Variants in ZNF438 observed in about 807,000 individuals in gnomAD.
ZNF438 encodes zinc finger protein 438.
Under a neutral mutation model 38.0 loss-of-function variants are expected in ZNF438, and 25 were observed. The ratio of observed to expected loss-of-function variants is 0.66; its 90% CI spans 0.48 to 0.92. The LOEUF is 0.92. Among genes scored for constraint, ZNF438 ranks in the 40% least tolerant of loss-of-function variants. The probability of loss-of-function intolerance (pLI) is 0.00; values close to 1 mark genes in which losing one functional copy is unlikely to be tolerated. For synonymous variants in ZNF438, 372 were observed against 364.1 expected (o/e 1.02, Z -0.25); for missense variants, 1,007 against 999.6 (o/e 1.01, Z -0.10).
intron 1 of ZNF438, among the ~76,000 whole-genome samples, chr10:31,028,463 C>A (rs2057079761): frequency 6.6e-6 from 1 of 152,206 alleles, no homozygotes; most frequent in Non-Finnish European, 1.5e-5. Flanking sequence ...GTAAAATATG[C>A]ATGATTTTGA....
intron 2 of ZNF438, among the ~76,000 whole-genome samples, chr10:30,925,661 T>A (rs2044828356): frequency 6.6e-6 from 1 of 152,192 alleles, no homozygotes; most frequent in Non-Finnish European, 1.5e-5. Flanking sequence ...TTGTGAGTAG[T>A]TCTCCCCAAT....
chr10:30,947,699 C>T (rs796844848), intron 1 of ZNF438, among the ~76,000 whole-genome samples: 10 of 152,360 alleles, frequency 6.6e-5, no homozygotes, highest in African/African-American at 1.7e-4. Flanking sequence ...TAGGACCCTC[C>T]GAGCCAGGTG....
chr10:30,998,188 T>G (rs2054247326), intron 1 of ZNF438, among the ~76,000 whole-genome samples: 1 of 152,084 alleles, frequency 6.6e-6, no homozygotes. Flanking sequence ...AAAATGAAAC[T>G]CATATAGATC....
chr10:30,961,345 C>T (rs1256337393), intron 1 of ZNF438, among the ~76,000 whole-genome samples: 1 of 145,360 alleles, frequency 6.9e-6, no homozygotes, highest in Admixed American at 6.9e-5. Context: ...AGAACAGCGG[C>T]TATTCACAGG....
intron 1 of ZNF438, among the ~76,000 whole-genome samples, chr10:30,981,826 C>T (rs1021023868): frequency 1.3e-5 from 2 of 150,166 alleles, no homozygotes; most frequent in East Asian, 2.0e-4. Context: ...TGCAGCAAGC[C>T]GAGATTGTGC....
At chr10:30,968,174 A>G (rs114027993) in intron 1 of ZNF438, among the ~76,000 whole-genome samples, 13 of 152,280 alleles carry the variant, frequency 8.5e-5, no homozygotes, top group African/African-American at 2.9e-4. Context: ...CACTTGAAGG[A>G]TCAGGCAGCG....
intron 3 of ZNF438, among the ~76,000 whole-genome samples, chr10:30,887,645 C>T (rs937044747): frequency 3.3e-5 from 5 of 152,216 alleles, no homozygotes; most frequent in Non-Finnish European, 5.9e-5. Flanking sequence ...ATCTCGGCCT[C>T]CCAAAGTGCT....
chr10:31,008,610 T>C (rs971222865), intron 1 of ZNF438, among the ~76,000 whole-genome samples: 5 of 152,224 alleles, frequency 3.3e-5, no homozygotes, highest in African/African-American at 1.2e-4. Flanking sequence ...ACTTTATTCC[T>C]TTATGCTTTT....
At chr10:30,889,190 T>C (rs1175902907) in intron 3 of ZNF438, among the ~76,000 whole-genome samples, 1 of 152,210 alleles carries the variant, frequency 6.6e-6, no homozygotes, top group Non-Finnish European at 1.5e-5. Context: ...ATCTGTCCCA[T>C]TTCAGAAACA....
At chr10:30,953,725 G>C (rs922701609) in intron 1 of ZNF438, among the ~76,000 whole-genome samples, 1 of 151,696 alleles carries the variant, frequency 6.6e-6, no homozygotes, top group African/African-American at 2.4e-5. Context: ...GCAGAAGCTG[G>C]AAGTGACTTA....
chr10:30,923,713 A>G (rs1271850056), intron 2 of ZNF438, among the ~76,000 whole-genome samples: 1 of 152,176 alleles, frequency 6.6e-6, no homozygotes, highest in African/African-American at 2.4e-5. Flanking sequence ...CTTAACTACT[A>G]TGGTTTTATA....
At chr10:30,956,931 T>C (rs767089566) in intron 1 of ZNF438, among the ~76,000 whole-genome samples, 7 of 152,350 alleles carry the variant, frequency 4.6e-5, no homozygotes, top group Non-Finnish European at 8.8e-5. Context: ...TTAGATCATA[T>C]GGTAGTTCTG....
intron 1 of ZNF438, among the ~76,000 whole-genome samples, chr10:30,974,144 G>C (rs1589514101): frequency 6.6e-6 from 1 of 152,180 alleles, no homozygotes; most frequent in African/African-American, 2.4e-5. Context: ...TGGGAATCTA[G>C]ATAAATAGTT....
chr10:30,875,906 T>A (rs1033509172), intron 4 of ZNF438, among the ~76,000 whole-genome samples: 1 of 152,224 alleles, frequency 6.6e-6, no homozygotes, highest in Non-Finnish European at 1.5e-5. Flanking sequence ...ATAATAGCCA[T>A]TGAGAATGGT....
chr10:30,935,504 G>A (rs978880368), intron 2 of ZNF438, among the ~76,000 whole-genome samples: 5 of 152,172 alleles, frequency 3.3e-5, no homozygotes, highest in African/African-American at 1.2e-4. Context: ...AACGAACAGA[G>A]CAAGGAGGGT....
intron 2 of ZNF438, among the ~76,000 whole-genome samples, chr10:30,930,453 G>C (rs964339471): frequency 6.6e-6 from 1 of 152,040 alleles, no homozygotes; most frequent in East Asian, 1.9e-4. Flanking sequence ...AGAGGGAGCC[G>C]GCTCTGGCCT....
Position 30,916,433 on chromosome 10 carries a change from A to G in ZNF438, c.-114-7418T>C, listed in dbSNP as rs540912964. ...TGTTTTCCCACTAGCCAGTTTAGAG[A>G]ATACATTACTTATAACTTTGAAGTC... On this transcript the variant is annotated intron_variant, in intron 2 of 5. Transcript: ENST00000413025. 6.6e-5 allele frequency among the ~76,000 whole-genome samples: 10 copies of G among 152,152 alleles called. No homozygotes were observed. In the East Asian group the frequency reaches 1.9e-3, roughly 29 times the overall value.
exon 4 of ZNF438, chr10:30,877,023 A>T: frequency 6.2e-7 from 1 of 1,606,272 alleles, no homozygotes; most frequent in Non-Finnish European, 8.5e-7. Flanking sequence ...GTACTGATAC[A>T]GAATTCTGCA....
intron 3 of ZNF438, among the ~76,000 whole-genome samples, chr10:30,900,191 T>C (rs1205539387): frequency 1.3e-5 from 2 of 152,218 alleles, no homozygotes; most frequent in African/African-American, 4.8e-5. Flanking sequence ...CTAAATTTTA[T>C]ATCATTTTCA....
Sources: allele counts gnomAD v4.1 joint callset (sites outside exome capture counted in the v4.1 genomes callset), GRCh38; gene constraint gnomAD v4.1.1; transcripts MANE v1.5; gene names NCBI Gene and HGNC (gene_info 2026-07-23, HGNC 2026-07-21).